ILRUN: variants seen among roughly 807,000 people sequenced by gnomAD.
ILRUN encodes the protein inflammation and lipid regulator with UBA-like and NBR1-like domains.
Under a neutral mutation model 33.8 loss-of-function variants are expected in ILRUN, and 3 were observed. That is an observed-to-expected ratio of 0.09 (90% CI 0.04 to 0.23). The LOEUF is 0.23. Among genes scored for constraint, ILRUN ranks in the 10% least tolerant of loss-of-function variants. ILRUN has a pLI of 1.00. For missense variants in ILRUN, 210 were observed against 375.1 expected, an observed-to-expected ratio of 0.56 and a Z score of 3.64; for synonymous variants, 124 against 138.9, an observed-to-expected ratio of 0.89 and a Z score of 0.75.
intron 4 of ILRUN, 105 bp from the exon 5 acceptor site, chr6:34,590,705 C>G: frequency 1.2e-6 from 1 of 853,868 alleles, no homozygotes; most frequent in Non-Finnish European, 2.0e-6. Flanking sequence ...AAGGAAGCCC[C>G]AATCCACAGA....
At chr6:34,620,504 T>G (rs1316469258) in intron 3 of ILRUN, among the ~76,000 whole-genome samples, 1 of 152,268 alleles carries the variant, frequency 6.6e-6, no homozygotes, top group East Asian at 1.9e-4. Context: ...AGAAAATACC[T>G]CCTTACTAAG....
At position 34,666,564 on chromosome 6, in the gene ILRUN, C is replaced by A. The variant is rs1763012507; in HGVS notation, c.159-11785G>T. On this transcript the variant is annotated intron_variant, in intron 1 of 4. Transcript: ENST00000374023. ...GGGCAACAAGAGCGAAACTCCATCTCAAAAAAAAGAAGAGCTATATACTTA... is the reference window on the plus strand; with the variant it reads ...GGGCAACAAGAGCGAAACTCCATCTAAAAAAAAAGAAGAGCTATATACTTA... Among the ~76,000 whole-genome samples the A allele has an allele frequency of 3.3e-5, 5 of 151,130 alleles. No homozygotes were observed. The South Asian group carries it at 1.0e-3, about 32-fold the overall frequency.
chr6:34,617,080 T>C, intron 3 of ILRUN: 2 of 532,504 alleles, frequency 3.8e-6, no homozygotes, highest in South Asian at 2.8e-5. Context: ...GCATGGAGGA[T>C]CTGATCATGA....
chr6:34,683,875 C>T (rs896948885), intron 1 of ILRUN, among the ~76,000 whole-genome samples: 1 of 152,038 alleles, frequency 6.6e-6, no homozygotes, highest in African/African-American at 2.4e-5. Flanking sequence ...CCAGCCTGGG[C>T]AACATGGCAA....
chr6:34,632,539 T>A (rs2127349451), intron 3 of ILRUN, among the ~76,000 whole-genome samples: 1 of 151,784 alleles, frequency 6.6e-6, no homozygotes, highest in South Asian at 2.1e-4. Context: ...TATTTCTTTT[T>A]ATCAGAGCAA....
At chr6:34,601,678 G>A (rs1408197562) in intron 4 of ILRUN, among the ~76,000 whole-genome samples, 1 of 150,516 alleles carries the variant, frequency 6.6e-6, no homozygotes, top group South Asian at 2.1e-4. Context: ...CAAAAGATCT[G>A]CCTTTTCCAA....
At chr6:34,663,890 G>T (rs1762944246) in intron 1 of ILRUN, among the ~76,000 whole-genome samples, 1 of 152,128 alleles carries the variant, frequency 6.6e-6, no homozygotes, top group African/African-American at 2.4e-5. Flanking sequence ...CCTTAAAATA[G>T]GGAGATTATC....
chr6:34,623,401 C>G (rs540128937), intron 3 of ILRUN, among the ~76,000 whole-genome samples: 2 of 152,274 alleles, frequency 1.3e-5, no homozygotes, highest in African/African-American at 2.4e-5. Flanking sequence ...AATCCCACCC[C>G]ACCCCTGGTC....
At chr6:34,669,993 C>T (rs902510252) in intron 1 of ILRUN, among the ~76,000 whole-genome samples, 19 of 151,852 alleles carry the variant, frequency 1.3e-4, no homozygotes, top group African/African-American at 4.1e-4. Flanking sequence ...CTCACTGAAA[C>T]CTCTGCCTCC....
At chr6:34,631,240 A>G (rs772096356) in intron 3 of ILRUN, among the ~76,000 whole-genome samples, 29 of 152,284 alleles carry the variant, frequency 1.9e-4, no homozygotes, top group Non-Finnish European at 3.4e-4. Flanking sequence ...TAGTAATGTA[A>G]TGGTAAGGTG....
intron 3 of ILRUN, among the ~76,000 whole-genome samples, chr6:34,645,727 T>A (rs1238222392): frequency 5.9e-5 from 9 of 152,120 alleles, no homozygotes; most frequent in Non-Finnish European, 1.5e-5. Flanking sequence ...AGTTAAAACA[T>A]GGGTGTGGGG....
intron 1 of ILRUN, chr6:34,687,034 G>T: frequency 5.4e-6 from 1 of 184,614 alleles, no homozygotes; most frequent in Non-Finnish European, 1.2e-5. Context: ...GTAAAAGAAT[G>T]CTAGCTTCTA....
chr6:34,612,444 C>T (rs2744973), intron 3 of ILRUN, among the ~76,000 whole-genome samples: 60,788 of 151,784 alleles, frequency 0.4, 13,434 homozygotes, highest in African/African-American at 0.6. Context: ...TAAAAAGCAC[C>T]GGAGACAGAA....
At chr6:34,606,438 C>T (rs146469661) in intron 4 of ILRUN, 117 bp downstream of exon 4, 10,988 of 718,834 alleles carry the variant, frequency 0.015, 105 homozygotes, top group Middle Eastern at 0.023. Flanking sequence ...GAGAGCTGAG[C>T]AGTCTTAAAG....
chr6:34,655,153 T>TA (rs1260070249), intron 1 of ILRUN, among the ~76,000 whole-genome samples: 21 of 151,918 alleles, frequency 1.4e-4, no homozygotes, highest in Middle Eastern at 3.4e-3. Flanking sequence ...TTGTTAATAT[T>TA]AAAAAAAAGA....
At chr6:34,651,664 C>A (rs867840347) in intron 2 of ILRUN, among the ~76,000 whole-genome samples, 8 of 150,764 alleles carry the variant, frequency 5.3e-5, no homozygotes, top group Non-Finnish European at 2.9e-5. Flanking sequence ...AAACAAGGTA[C>A]TGACTTCACT....
At chr6:34,597,907 T>C (rs1761434430) in intron 4 of ILRUN, among the ~76,000 whole-genome samples, 1 of 152,308 alleles carries the variant, frequency 6.6e-6, no homozygotes, top group African/African-American at 2.4e-5. Context: ...CAATTCAGTT[T>C]GAATCCATCC....
rs1298503067 is a variant in ILRUN at position 34,588,387 on chromosome 6, G to A, written c.*2178C>T. On this transcript the variant is annotated 3_prime_UTR_variant, in exon 5 of 5. Coordinates refer to ENST00000374023, the MANE Select transcript of ILRUN (RefSeq NM_024294.4). ...AAGGGGCACCCAGTGTTGGGCAGAA[G>A]AGGAAGTCAGGAAAGCAGGGGTTGT... is the stretch of plus-strand genomic sequence containing the variant. 1.0e-5 allele frequency: 4 copies of A among 397,090 alleles called. No individual in the cohort carries two copies. Among genetic ancestry groups the A allele is most frequent in the Non-Finnish European group, 1.3e-5 (3 of 225,706 alleles). The allele number at this position is 397,090 out of a possible 1,614,324, so 24.6% of individuals were successfully genotyped here. A position where few individuals can be genotyped will look rare whatever the true frequency, so the allele number is the denominator to read the frequency against.
chr6:34,672,783 A>C (rs1431141287), intron 1 of ILRUN, among the ~76,000 whole-genome samples: 1 of 152,116 alleles, frequency 6.6e-6, no homozygotes, highest in African/African-American at 2.4e-5. Flanking sequence ...GCTCCAATAA[A>C]GGAGAACAGA....
Sources: gnomAD v4.1 joint callset for allele counts (sites outside exome capture counted in the v4.1 genomes callset) on GRCh38, gnomAD v4.1.1 for gene constraint, MANE v1.5 for transcripts, NCBI Gene and HGNC (gene_info 2026-07-23, HGNC 2026-07-21) for gene names.